Variants in CACNG4 observed in about 807,000 individuals in gnomAD.
CACNG4 encodes calcium voltage-gated channel auxiliary subunit gamma 4, also known as voltage-dependent calcium channel gamma-4 subunit.
Under a neutral mutation model 22.9 loss-of-function variants are expected in CACNG4, and 8 were observed. The observed-to-expected ratio is 0.35, with a 90% confidence interval of 0.21 to 0.63. The LOEUF is 0.63. Among genes scored for constraint, CACNG4 ranks in the 30% least tolerant of loss-of-function variants. CACNG4 has a pLI of 0.72. For missense variants in CACNG4, 357 were observed against 455.4 expected, an observed-to-expected ratio of 0.78 and a Z score of 1.97; for synonymous variants, 188 against 191.9, an observed-to-expected ratio of 0.98 and a Z score of 0.17.
chr17:66,965,560 A>C, intron 1 of CACNG4, among the ~76,000 whole-genome samples: 1 of 102,018 alleles, frequency 9.8e-6, no homozygotes, highest in African/African-American at 3.7e-5. Context: ...GGGGGAGCGG[A>C]CGGGAGGGGG....
chr17:66,977,075 T>C (rs2035242453), intron 1 of CACNG4, among the ~76,000 whole-genome samples: 1 of 152,132 alleles, frequency 6.6e-6, no homozygotes, highest in Non-Finnish European at 1.5e-5. Flanking sequence ...GCCCACTGCC[T>C]TCCTTCCCTC....
chr17:66,986,964 G>A lies in CACNG4; in HGVS notation c.220+21833G>A, dbSNP rs969811814. On this transcript the variant is annotated intron_variant, in intron 1 of 3. Transcript: ENST00000262138. ...GGACTTACATGAATGGATTTGGTGT[G>A]GGGAGGGGACACAGTCAATTCTTAA... Among the ~76,000 whole-genome samples the A allele has an allele frequency of 6.6e-5, 10 of 152,330 alleles. 1 individual carries two copies. In the South Asian group the frequency reaches 1.9e-3, roughly 28 times the overall value.
At chr17:66,971,012 G>C (rs7222978) in intron 1 of CACNG4, among the ~76,000 whole-genome samples, 4,565 of 152,330 alleles carry the variant, frequency 0.03, 210 homozygotes, top group African/African-American at 0.1. Context: ...ACCAGACCCT[G>C]AGTGTCAGAG....
chr17:67,018,838 G>C (rs2035515715), intron 2 of CACNG4, among the ~76,000 whole-genome samples: 1 of 152,090 alleles, frequency 6.6e-6, no homozygotes, highest in Non-Finnish European at 1.5e-5. Context: ...AGTCTTTTCA[G>C]CACCGCCTCT....
In CACNG4 at chr17:66,994,427, G is replaced by GC. The variant is rs570983792; in HGVS notation, c.221-23759dup. 6.6e-5 allele frequency among the ~76,000 whole-genome samples: 10 copies of GC among 152,030 alleles called. No individual in the cohort carries two copies. The South Asian group carries it at 2.1e-3, about 32-fold the overall frequency. On this transcript the variant is annotated intron_variant, in intron 1 of 3. Transcript: ENST00000262138. ...TGTCAGGACCTCGCGTGTTTGCCTTGCCCTCACCCTGGGAGATAGATCTTG... is the reference window on the plus strand; with the variant it reads ...TGTCAGGACCTCGCGTGTTTGCCTTGCCCCTCACCCTGGGAGATAGATCTTG...
At chr17:67,023,179 G>A (rs1246372625) in intron 2 of CACNG4, among the ~76,000 whole-genome samples, 1 of 151,714 alleles carries the variant, frequency 6.6e-6, no homozygotes, top group Non-Finnish European at 1.5e-5. Flanking sequence ...TTCTTATAAG[G>A]ATGCTCGTCG....
intron 1 of CACNG4, among the ~76,000 whole-genome samples, chr17:66,983,442 A>T (rs1357246396): frequency 6.6e-6 from 1 of 152,132 alleles, no homozygotes; most frequent in Non-Finnish European, 1.5e-5. Context: ...AGGCTGGAGG[A>T]GGAGTTTAGA....
At chr17:66,980,620 C>CTTTTTTTTTTTTTTTTTTT (rs67051865) in intron 1 of CACNG4, among the ~76,000 whole-genome samples, 1 of 107,030 alleles carries the variant, frequency 9.3e-6, no homozygotes, top group African/African-American at 4.0e-5. Context: ...TGTGTAAATT[C>CTTTTTTTTTTTTTTTTTTT]TTTTTTTTTT....
chr17:66,978,190 A>C (rs1255600426), intron 1 of CACNG4, among the ~76,000 whole-genome samples: 2 of 152,210 alleles, frequency 1.3e-5, no homozygotes, highest in Non-Finnish European at 2.9e-5. Flanking sequence ...TGGGGCCTTA[A>C]GCCAGTCATT....
At chr17:66,995,125 C>T (rs999796592) in intron 1 of CACNG4, among the ~76,000 whole-genome samples, 1 of 152,138 alleles carries the variant, frequency 6.6e-6, no homozygotes, top group African/African-American at 2.4e-5. Flanking sequence ...TTCAGGCCTC[C>T]GTGGAGGTGG....
At chr17:66,977,666 G>A (rs1264770531) in intron 1 of CACNG4, among the ~76,000 whole-genome samples, 1 of 152,260 alleles carries the variant, frequency 6.6e-6, no homozygotes, top group Admixed American at 6.5e-5. Flanking sequence ...AGGGAGCAGA[G>A]CTGGGTGCAG....
At chr17:67,010,259 C>T (rs2035461156) in intron 1 of CACNG4, among the ~76,000 whole-genome samples, 1 of 152,176 alleles carries the variant, frequency 6.6e-6, no homozygotes, top group Admixed American at 6.5e-5. Context: ...GCATCTCTGC[C>T]TGCTAGTGAA....
intron 1 of CACNG4, among the ~76,000 whole-genome samples, chr17:67,012,652 A>T (rs1251627260): frequency 6.6e-6 from 1 of 152,154 alleles, no homozygotes; most frequent in Non-Finnish European, 1.5e-5. Flanking sequence ...TTAATCCCTC[A>T]AACTTCCAGT....
chr17:66,977,273 G>C (rs145428960), intron 1 of CACNG4, among the ~76,000 whole-genome samples: 232 of 152,272 alleles, frequency 1.5e-3, no homozygotes, highest in Admixed American at 3.0e-3. Context: ...CTGTGATAAA[G>C]TCAGGCTCAT....
intron 1 of CACNG4, among the ~76,000 whole-genome samples, chr17:66,973,656 C>T (rs990228346): frequency 2.6e-5 from 4 of 152,206 alleles, no homozygotes; most frequent in Non-Finnish European, 5.9e-5. Flanking sequence ...GTCTGTGCCT[C>T]GGGCCTCCAT....
At chr17:66,981,647 T>C (rs996031267) in intron 1 of CACNG4, among the ~76,000 whole-genome samples, 2 of 152,178 alleles carry the variant, frequency 1.3e-5, no homozygotes, top group African/African-American at 4.8e-5. Flanking sequence ...AGTAGGACGG[T>C]GCTCAGGCGA....
Position 67,032,555 on chromosome 17 carries a change from G to C in CACNG4, c.*1551G>C, listed in dbSNP as rs943960150. 1 of 159,044 alleles carries C rather than the reference G, an allele frequency of 6.3e-6. No homozygotes were observed. Among genetic ancestry groups the C allele is most frequent in the Non-Finnish European group, 1.4e-5 (1 of 71,936 alleles). 9.9% of individuals were successfully genotyped at this position (159,044 alleles called of 1,614,324 possible). ...CCCCCTGGGGTTCAGACCCAGGTCC[G>C]TTCGGCCTAGTGATGATGTCATCGT... On this transcript the variant is annotated 3_prime_UTR_variant, in exon 4 of 4. Transcript: ENST00000262138.
At chr17:67,008,976 T>G (rs1315531520) in intron 1 of CACNG4, among the ~76,000 whole-genome samples, 1 of 151,484 alleles carries the variant, frequency 6.6e-6, no homozygotes, top group Non-Finnish European at 1.5e-5. Context: ...GCCTTTAGAG[T>G]GGGGCCTAAT....
intron 1 of CACNG4, among the ~76,000 whole-genome samples, chr17:67,002,114 G>A (rs1259480347): frequency 6.6e-6 from 1 of 152,186 alleles, no homozygotes; most frequent in Non-Finnish European, 1.5e-5. Context: ...GAGAAAAAGA[G>A]GTTTAATGGA....
Sources: gnomAD v4.1 joint callset for allele counts (sites outside exome capture counted in the v4.1 genomes callset) on GRCh38, gnomAD v4.1.1 for gene constraint, MANE v1.5 for transcripts, NCBI Gene and HGNC (gene_info 2026-07-23, HGNC 2026-07-21) for gene names.